The following COL28A1 variants were observed in gnomAD, a reference collection of about 807,000 sequenced individuals.
COL28A1 encodes collagen type XXVIII alpha 1 chain.
In COL28A1, 161 loss-of-function variants were observed where a neutral mutation model predicts 150.2. The ratio of observed to expected loss-of-function variants is 1.07; its 90% confidence interval spans 0.94 to 1.22. The LOEUF is 1.22. COL28A1 is among the 50% of genes most tolerant of loss of function. The pLI is 0.00. For missense variants in COL28A1, 1,617 were observed against 1,388.3 expected (o/e 1.16, Z -2.62); for synonymous variants, 552 against 469.7 (o/e 1.18, Z -2.26).
intron 33 of COL28A1, among the ~76,000 whole-genome samples, chr7:7,368,946 A>G (rs1403913481): frequency 6.6e-6 from 1 of 152,200 alleles, no homozygotes; most frequent in Non-Finnish European, 1.5e-5. Flanking sequence ...TATCTCCCTG[A>G]AAAAATGTGA....
chr7:7,525,856 A>G (rs1429000643), intron 3 of COL28A1, among the ~76,000 whole-genome samples: 2 of 152,200 alleles, frequency 1.3e-5, no homozygotes, highest in Non-Finnish European at 2.9e-5. Flanking sequence ...TTCTCCATAT[A>G]TAAAAAAGGA....
At chr7:7,472,603 G>C (rs1445884106) in intron 15 of COL28A1, among the ~76,000 whole-genome samples, 1 of 152,098 alleles carries the variant, frequency 6.6e-6, no homozygotes, top group African/African-American at 2.4e-5. Flanking sequence ...ACTGCCAAAA[G>C]CCATACACAA....
At chr7:7,454,750 G>A (rs1009917575) in intron 16 of COL28A1, among the ~76,000 whole-genome samples, 2 of 152,114 alleles carry the variant, frequency 1.3e-5, no homozygotes, top group African/African-American at 2.4e-5. Context: ...AACACTGTCC[G>A]GCCACTTTTG....
rs545692962 is a variant in COL28A1, at chr7:7,403,658, C to T, written c.2136+14201G>A. 5.7e-4 allele frequency among the ~76,000 whole-genome samples: 87 copies of T among 152,114 alleles called. 2 individuals are homozygous for T. The highest frequency in any genetic ancestry group is 1.9e-3 in the African/African-American group (78 of 41,494). Reference sequence around the variant, plus strand: ...TAATGTGACTTATAATGTCTCAGCACGTAATATTTATAGACTAAGGTGATA... The same window carrying T: ...TAATGTGACTTATAATGTCTCAGCATGTAATATTTATAGACTAAGGTGATA... On this transcript the variant is annotated intron_variant, in intron 27 of 34. Transcript: ENST00000399429.
intron 23 of COL28A1, among the ~76,000 whole-genome samples, chr7:7,435,973 T>G (rs1785311543): frequency 1.3e-5 from 2 of 152,172 alleles, no homozygotes; most frequent in South Asian, 2.1e-4. Flanking sequence ...TTTCTTCTTA[T>G]TTGTCTTTCC....
chr7:7,397,644 T>C (rs1782915459), intron 27 of COL28A1, among the ~76,000 whole-genome samples: 1 of 152,226 alleles, frequency 6.6e-6, no homozygotes, highest in Admixed American at 6.5e-5. Flanking sequence ...GCGTATTCAG[T>C]AGTCCACACT....
intron 6 of COL28A1, among the ~76,000 whole-genome samples, chr7:7,519,590 G>A (rs1393770309): frequency 6.6e-6 from 1 of 152,002 alleles, no homozygotes; most frequent in African/African-American, 2.4e-5. Context: ...GATTTTTTTT[G>A]ATAGGTACAC....
the COL28A1 span, among the ~76,000 whole-genome samples, chr7:7,348,662 C>T: frequency 3.3e-5 from 5 of 150,452 alleles, no homozygotes; most frequent in Non-Finnish European, 7.4e-5. Flanking sequence ...TTTTATTATT[C>T]GCTCTTCTTT....
chr7:7,480,578 CACTG>C (rs1396809343), intron 13 of COL28A1, among the ~76,000 whole-genome samples: 1 of 152,042 alleles, frequency 6.6e-6, no homozygotes, highest in African/African-American at 2.4e-5. Flanking sequence ...ACAAAGAAAA[CACTG>C]ACAAATTATT....
intron 11 of COL28A1, among the ~76,000 whole-genome samples, chr7:7,491,846 T>A (rs1464560287): frequency 6.6e-6 from 1 of 152,248 alleles, no homozygotes; most frequent in East Asian, 1.9e-4. Context: ...TTTTTTTCTG[T>A]TTATCAAAAT....
rs368993520 is a variant in COL28A1, at chr7:7,360,480, T to C, written c.3115A>G (p.Thr1039Ala). 6.2e-7 allele frequency: 1 copy of C among 1,610,102 alleles called. No homozygotes were observed. The highest frequency in any genetic ancestry group is 8.5e-7 in the Non-Finnish European group (1 of 1,178,816). The change falls in exon 34 of 35, where the codon ACG (threonine) becomes GCG (alanine). Residue 1039 changes from threonine to alanine, a missense_variant. Physicochemically the swap from Thr to Ala is moderately conservative, Grantham distance 58. Coordinates refer to ENST00000399429, the MANE Select transcript of COL28A1 (RefSeq NM_001037763.3). Reference sequence around the variant, plus strand: ...GTGGCAGGCAGATCATCAGCCCACGTTGGCTCTGGAGCCTTATCATCTTCA... The same window carrying C: ...GTGGCAGGCAGATCATCAGCCCACGCTGGCTCTGGAGCCTTATCATCTTCA... ...QDEDDKAPEP[T>A]WADDLPATTS...
the COL28A1 span, among the ~76,000 whole-genome samples, chr7:7,543,002 G>T: frequency 6.6e-6 from 1 of 152,094 alleles, no homozygotes; most frequent in African/African-American, 2.4e-5. Flanking sequence ...TCTCTCTGGG[G>T]AAAAAAGTGT....
At position 7,512,551 on chromosome 7, in the gene COL28A1, G is replaced by A. The variant is rs1781202177; in HGVS notation, c.883-1416C>T. ...AAAAGGTTAGTTTCCTCAAGTAGAA[G>A]GAGAATTGGGACCTCTGAATACTAA... is the stretch of plus-strand genomic sequence containing the variant. On this transcript the variant is annotated intron_variant, in intron 8 of 34. Transcript: ENST00000399429. 2.0e-5 allele frequency among the ~76,000 whole-genome samples: 3 copies of A among 151,924 alleles called. No individual in the cohort carries two copies. The South Asian group carries it at 6.2e-4, about 32-fold the overall frequency.
At chr7:7,405,971 C>T (rs1783468266) in intron 27 of COL28A1, among the ~76,000 whole-genome samples, 1 of 152,144 alleles carries the variant, frequency 6.6e-6, no homozygotes, top group African/African-American at 2.4e-5. Flanking sequence ...AACCAACAGA[C>T]ACAATACCCT....
chr7:7,426,196 G>A (rs1388662356), intron 25 of COL28A1, among the ~76,000 whole-genome samples: 2 of 152,178 alleles, frequency 1.3e-5, no homozygotes, highest in Non-Finnish European at 2.9e-5. Context: ...ATGAAACTGA[G>A]GAATGACTGG....
chr7:7,388,539 G>C (rs1782338601), intron 27 of COL28A1, among the ~76,000 whole-genome samples: 1 of 152,058 alleles, frequency 6.6e-6, no homozygotes, highest in African/African-American at 2.4e-5. Context: ...GGGATTGCTG[G>C]GTCAAATGGT....
chr7:7,464,555 G>C (rs1486256843), intron 15 of COL28A1, among the ~76,000 whole-genome samples: 1 of 152,180 alleles, frequency 6.6e-6, no homozygotes, highest in Non-Finnish European at 1.5e-5. Flanking sequence ...ACCTGCTCCT[G>C]AAAGATCACT....
intron 14 of COL28A1, 108 bp from the exon 15 acceptor site, chr7:7,474,777 A>G: frequency 5.8e-6 from 4 of 686,250 alleles, no homozygotes; most frequent in Admixed American, 2.5e-5. Flanking sequence ...TTTTAAATAA[A>G]GCATCCAAAG....
Position 7,453,491 on chromosome 7 carries a change from A to G in COL28A1, c.1389T>C (p.Ile463=), listed in dbSNP as rs17519199. ...SQGEQGIQGP[I]GPPGPQGPAG... ...CGGGCCCTTGTGGACCAGGTGGACCAATAGGACCTTGGATTCCCTTTAAAA... is the reference window on the plus strand; with the variant it reads ...CGGGCCCTTGTGGACCAGGTGGACCGATAGGACCTTGGATTCCCTTTAAAA... The change falls in exon 17 of 35, where the codon ATT becomes ATC. Residue 463 remains isoleucine (I), a synonymous_variant. Coordinates refer to ENST00000399429, the MANE Select transcript of COL28A1 (RefSeq NM_001037763.3). 0.055 allele frequency: 65,773 copies of G among 1,189,102 alleles called. 2,206 individuals carry two copies. Among genetic ancestry groups the G allele is most frequent in the South Asian group, 0.094 (7,536 of 79,928 alleles). 73.7% of individuals were successfully genotyped at this position (1,189,102 alleles called of 1,614,324 possible). A position where few individuals can be genotyped will look rare whatever the true frequency, so the allele number is the denominator to read the frequency against.
Sources: allele counts gnomAD v4.1 joint callset (sites outside exome capture counted in the v4.1 genomes callset), GRCh38; gene constraint gnomAD v4.1.1; transcripts MANE v1.5; gene names NCBI Gene and HGNC (gene_info 2026-07-23, HGNC 2026-07-21).